The following OXR1 variants were observed in gnomAD, a reference collection of about 807,000 sequenced individuals.
OXR1 encodes the protein oxidation resistance protein 1.
A neutral mutation model predicts 104.6 loss-of-function variants in OXR1; 41 were observed. That is an observed-to-expected ratio of 0.39 (90% CI 0.31 to 0.51). The LOEUF (loss-of-function observed/expected upper bound fraction) is 0.51, where lower values mean the gene tolerates loss of function less well. Ranked by LOEUF, OXR1 falls within the 20% of genes least tolerant of loss-of-function variation. OXR1 has a pLI of 0.77. For synonymous variants in OXR1, 348 were observed against 348.4 expected, an observed-to-expected ratio of 1.00 and a Z score of 0.01; for missense variants, 955 against 1,031.9, an observed-to-expected ratio of 0.93 and a Z score of 1.02.
At chr8:106,677,986 A>G (rs908974374) in intron 3 of OXR1, among the ~76,000 whole-genome samples, 1 of 152,102 alleles carries the variant, frequency 6.6e-6, no homozygotes, top group African/African-American at 2.4e-5. Flanking sequence ...AAGAAAGGCA[A>G]TGTTTTGGAG....
At chr8:106,387,029 A>G (rs752225755) in intron 2 of OXR1, among the ~76,000 whole-genome samples, 1 of 152,212 alleles carries the variant, frequency 6.6e-6, no homozygotes, top group Non-Finnish European at 1.5e-5. Flanking sequence ...TGAAATAAAA[A>G]ACTGGAAACA....
At chr8:106,433,524 G>A (rs2130569295) in intron 2 of OXR1, among the ~76,000 whole-genome samples, 1 of 152,282 alleles carries the variant, frequency 6.6e-6, no homozygotes, top group East Asian at 1.9e-4. Flanking sequence ...GAAAAGGGCT[G>A]TTATCAATTT....
intron 3 of OXR1, among the ~76,000 whole-genome samples, chr8:106,533,548 C>T (rs1459027784): frequency 6.6e-6 from 1 of 152,110 alleles, no homozygotes; most frequent in Non-Finnish European, 1.5e-5. Context: ...TTTAAACACC[C>T]TATGTATTGC....
intron 4 of OXR1, among the ~76,000 whole-genome samples, chr8:106,680,330 T>G (rs1828024335): frequency 1.3e-5 from 2 of 152,262 alleles, no homozygotes; most frequent in South Asian, 4.1e-4. Flanking sequence ...CCTTTAAAAT[T>G]TCTTCGTCTT....
At chr8:106,617,090 G>A (rs911232634) in intron 3 of OXR1, among the ~76,000 whole-genome samples, 5 of 152,162 alleles carry the variant, frequency 3.3e-5, no homozygotes, top group Admixed American at 2.0e-4. Flanking sequence ...AAGCAGCCGG[G>A]CTATAGGTGC....
chr8:106,662,556 G>C (rs1354866845), intron 3 of OXR1, among the ~76,000 whole-genome samples: 3 of 152,110 alleles, frequency 2.0e-5, no homozygotes, highest in Non-Finnish European at 2.9e-5. Context: ...AAAACATATA[G>C]TGCTTGCTGT....
At chr8:106,702,044 A>G (rs1404217340) in intron 7 of OXR1, among the ~76,000 whole-genome samples, 1 of 152,178 alleles carries the variant, frequency 6.6e-6, no homozygotes, top group Non-Finnish European at 1.5e-5. Flanking sequence ...ATTTCAGCTC[A>G]CTGCAACCTC....
intron 1 of OXR1, among the ~76,000 whole-genome samples, chr8:106,330,191 C>T (rs1020148201): frequency 2.0e-4 from 31 of 152,194 alleles, no homozygotes; most frequent in Non-Finnish European, 3.8e-4. Flanking sequence ...ATATACTTAA[C>T]ACAATGCCAG....
At position 106,606,485 on chromosome 8, in the gene OXR1, T is replaced by C. The variant is rs576070133; in HGVS notation, c.221-72725T>C. ...CTGGCTAATTTTTTTTTTTTTTTTG[T>C]ATTTTTACTAGAAACAGGGTTTCAC... On this transcript the variant is annotated intron_variant, in intron 3 of 16. Coordinates refer to ENST00000517566, the MANE Select transcript of OXR1 (RefSeq NM_001198533.2). Among the ~76,000 whole-genome samples the C allele has an allele frequency of 2.1e-4, 29 of 139,756 alleles. No homozygotes were observed. In the East Asian group the frequency reaches 6.2e-3, roughly 30 times the overall value. The allele number at this position is 139,756 out of a possible 152,430, so 91.7% of individuals were successfully genotyped here. A position where few individuals can be genotyped will look rare whatever the true frequency, so the allele number is the denominator to read the frequency against.
intron 3 of OXR1, among the ~76,000 whole-genome samples, chr8:106,535,692 A>C (rs1563588186): frequency 1.3e-5 from 2 of 152,184 alleles, no homozygotes. Context: ...TTAATGGAGA[A>C]AAAAATTATT....
At chr8:106,304,671 A>C (rs1563706655) in intron 1 of OXR1, among the ~76,000 whole-genome samples, 1 of 152,192 alleles carries the variant, frequency 6.6e-6, no homozygotes, top group East Asian at 1.9e-4. Context: ...CATTTCTTAG[A>C]TTAAGTCTTC....
intron 2 of OXR1, among the ~76,000 whole-genome samples, chr8:106,480,935 T>C (rs1046681163): frequency 1.3e-5 from 2 of 152,058 alleles, no homozygotes; most frequent in South Asian, 4.1e-4. Context: ...AGTTATCATA[T>C]AAAAACTTCA....
At chr8:106,567,291 T>C (rs1296819521) in intron 3 of OXR1, among the ~76,000 whole-genome samples, 1 of 152,114 alleles carries the variant, frequency 6.6e-6, no homozygotes, top group African/African-American at 2.4e-5. Flanking sequence ...TCAGGAAAGG[T>C]GGACCAAACA....
At chr8:106,694,889 A>C (rs947163308) in intron 7 of OXR1, among the ~76,000 whole-genome samples, 1 of 83,536 alleles carries the variant, frequency 1.2e-5, no homozygotes, top group African/African-American at 5.7e-5. Context: ...TATATTTAAT[A>C]GATAAATATA....
At chr8:106,669,158 A>G (rs906794564) in intron 3 of OXR1, among the ~76,000 whole-genome samples, 1 of 152,258 alleles carries the variant, frequency 6.6e-6, no homozygotes, top group South Asian at 2.1e-4. Flanking sequence ...GGGAAAGAGG[A>G]ACATGCAGAA....
chr8:106,637,409 ATAAGAT>A (rs1006619487), intron 3 of OXR1, among the ~76,000 whole-genome samples: 3 of 152,212 alleles, frequency 2.0e-5, no homozygotes, highest in African/African-American at 4.8e-5. Context: ...CCCAGAAAAC[ATAAGAT>A]TAAGACAAAA....
intron 3 of OXR1, among the ~76,000 whole-genome samples, chr8:106,542,547 C>G (rs932835271): frequency 6.6e-6 from 1 of 152,084 alleles, no homozygotes; most frequent in Admixed American, 6.6e-5. Context: ...ATGCATATAT[C>G]ACATATATGC....
chr8:106,695,457 G>T, intron 7 of OXR1, among the ~76,000 whole-genome samples: 1 of 143,110 alleles, frequency 7.0e-6, no homozygotes, highest in East Asian at 2.0e-4. Context: ...TCACTCTGTT[G>T]CCCAGGCTGG....
chr8:106,376,549 A>ATAGT (rs1424197449), intron 2 of OXR1, among the ~76,000 whole-genome samples: 1 of 152,218 alleles, frequency 6.6e-6, no homozygotes, highest in Non-Finnish European at 1.5e-5. Context: ...AAAAATAAAG[A>ATAGT]TAGTTATTGG....
Sources: gnomAD v4.1 joint callset for allele counts (sites outside exome capture counted in the v4.1 genomes callset) on GRCh38, gnomAD v4.1.1 for gene constraint, MANE v1.5 for transcripts, NCBI Gene and HGNC (gene_info 2026-07-23, HGNC 2026-07-21) for gene names.